PCDHA10: variants seen among roughly 807,000 people sequenced by gnomAD.
PCDHA10 encodes the protein protocadherin alpha 10.
PCDHA10 carries 45 observed loss-of-function variants against 61.2 expected under a neutral mutation model. The observed-to-expected ratio is 0.74, with a 90% CI of 0.58 to 0.94. The LOEUF (loss-of-function observed/expected upper bound fraction) is 0.94. Among genes scored for constraint, PCDHA10 ranks in the 40% least tolerant of loss-of-function variants. The pLI, the probability that PCDHA10 is intolerant of heterozygous loss-of-function variation, is 0.00. For missense variants in PCDHA10, 1,278 were observed against 1,236.2 expected (o/e 1.03, Z -0.51); for synonymous variants, 602 against 548.8 (o/e 1.10, Z -1.35).
intron 1 of PCDHA10, among the ~76,000 whole-genome samples, chr5:140,944,993 G>A (rs529303280): frequency 6.6e-5 from 10 of 152,054 alleles, no homozygotes; most frequent in African/African-American, 2.2e-4. Context: ...CTTCTGTAAC[G>A]GTTGTGGGTC....
intron 1 of PCDHA10, chr5:140,929,115 C>T: frequency 6.2e-7 from 1 of 1,614,136 alleles, no homozygotes. Context: ...CATCAGCCAC[C>T]ATAGATGTCA....
chr5:140,952,334 A>G (rs1585456390), intron 1 of PCDHA10, among the ~76,000 whole-genome samples: 1 of 103,312 alleles, frequency 9.7e-6, no homozygotes, highest in East Asian at 2.9e-4. Context: ...GTGAAACTCC[A>G]TCTCAAAAAA....
At chr5:140,876,204 G>A (rs1582266262) in intron 1 of PCDHA10, 1 of 1,613,934 alleles carries the variant, frequency 6.2e-7, no homozygotes, top group Non-Finnish European at 8.5e-7. Flanking sequence ...CGTTTGATAA[G>A]CCCAGCTATA....
At chr5:140,977,591 A>T (rs1267599253) in intron 1 of PCDHA10, among the ~76,000 whole-genome samples, 2 of 152,164 alleles carry the variant, frequency 1.3e-5, no homozygotes, top group African/African-American at 4.8e-5. Context: ...AGCAGTTAGC[A>T]TGTGAGGACC....
At chr5:140,870,122 T>G in intron 1 of PCDHA10, 1 of 1,613,956 alleles carries the variant, frequency 6.2e-7, no homozygotes. Flanking sequence ...GTGGAAATCT[T>G]GGACACCAAC....
chr5:140,934,490 C>T (rs189772593), intron 1 of PCDHA10, among the ~76,000 whole-genome samples: 35 of 152,244 alleles, frequency 2.3e-4, no homozygotes, highest in Admixed American at 1.4e-3. Context: ...ATATTCACCT[C>T]ATAAACACCC....
intron 1 of PCDHA10, among the ~76,000 whole-genome samples, chr5:140,956,217 T>C (rs1554222303): frequency 1.1e-4 from 17 of 152,208 alleles, no homozygotes. Flanking sequence ...GGCATCCTTG[T>C]CTTGTGCTGG....
rs782577621 is a variant in PCDHA10 at position 140,857,662 on chromosome 5, T to A, written c.1614T>A (p.Asp538Glu). Residue 538 changes from aspartate (D) to glutamate (E), a missense_variant, in exon 1 of 4, where the codon GAT becomes GAA. Coordinates refer to ENST00000307360, the MANE Select transcript of PCDHA10 (RefSeq NM_018901.4). ...TACAGTTCCAGGTGAGCGCGCGCGA[T>A]GGGGGCGTGCCGCCTCTGGGCAGCA... ...ELLQFQVSAR[D>E]GGVPPLGSNL... The A allele has an allele frequency of 1.3e-6, 2 of 1,596,528 alleles. No homozygotes were observed. The highest frequency in any genetic ancestry group is 1.7e-6 in the Non-Finnish European group (2 of 1,167,676).
At chr5:140,883,341 C>G in intron 1 of PCDHA10, 1 of 1,614,144 alleles carries the variant, frequency 6.2e-7, no homozygotes, top group Non-Finnish European at 8.5e-7. Context: ...TTGTCACTCC[C>G]CATCAGAGAA....
intron 1 of PCDHA10, among the ~76,000 whole-genome samples, chr5:140,961,208 A>T (rs1268712075): frequency 1.3e-5 from 2 of 152,164 alleles, no homozygotes; most frequent in African/African-American, 4.8e-5. Flanking sequence ...GTTGGTATTG[A>T]TGAAGAAACT....
Position 140,857,904 on chromosome 5 carries a change from T to C in PCDHA10, c.1856T>C (p.Ile619Thr). The change falls in exon 1 of 4, where the codon ATC becomes ACC. Residue 619 changes from isoleucine to threonine, a missense_variant. Coordinates refer to ENST00000307360, the MANE Select transcript of PCDHA10 (RefSeq NM_018901.4). ...CAGTCGGCGGCGGTTGGTGCACGCATCCCGTTTCGCGTGGGGCTGTACACG... is the reference window on the plus strand; with the variant it reads ...CAGTCGGCGGCGGTTGGTGCACGCACCCCGTTTCGCGTGGGGCTGTACACG... Reference protein sequence around the residue: ...ELQSAAVGARIPFRVGLYTGE... With the variant: ...ELQSAAVGARTPFRVGLYTGE... The C allele has an allele frequency of 1.3e-6, 2 of 1,597,710 alleles. No homozygotes were observed. The highest frequency in any genetic ancestry group is 1.1e-5 in the South Asian group (1 of 90,506).
chr5:140,873,153 C>T (rs2054129567), intron 1 of PCDHA10, among the ~76,000 whole-genome samples: 1 of 152,224 alleles, frequency 6.6e-6, no homozygotes, highest in East Asian at 1.9e-4. Flanking sequence ...TATTCATAGA[C>T]TTTAGATCGA....
At chr5:140,885,482 G>A (rs1174553739) in intron 1 of PCDHA10, among the ~76,000 whole-genome samples, 1 of 152,150 alleles carries the variant, frequency 6.6e-6, no homozygotes, top group Non-Finnish European at 1.5e-5. Context: ...TTTGTGTCAA[G>A]TGTTCTGTTA....
At chr5:140,863,571 TA>T in intron 1 of PCDHA10, 1 of 369,950 alleles carries the variant, frequency 2.7e-6, no homozygotes, top group South Asian at 2.1e-5. Context: ...AGAATATAAG[TA>T]CTGTAATCCT....
At chr5:140,962,171 G>A (rs1218733161) in intron 1 of PCDHA10, among the ~76,000 whole-genome samples, 3 of 151,902 alleles carry the variant, frequency 2.0e-5, no homozygotes, top group Non-Finnish European at 4.4e-5. Context: ...CACCACACCC[G>A]GCCACTTATA....
At chr5:140,871,376 G>GCT (rs782235924) in intron 1 of PCDHA10, 26 of 1,614,078 alleles carry the variant, frequency 1.6e-5, no homozygotes, top group South Asian at 1.4e-4. Flanking sequence ...CAGAGGGTGT[G>GCT]CTCTGAGGAG....
intron 1 of PCDHA10, chr5:140,967,124 A>G (rs782387198): frequency 1.2e-6 from 2 of 1,612,200 alleles, no homozygotes; most frequent in South Asian, 2.2e-5. Context: ...CTGCCTGCTC[A>G]GCTTGGAAGT....
chr5:140,876,063 G>T (rs1404065760), intron 1 of PCDHA10: 1 of 1,613,860 alleles, frequency 6.2e-7, no homozygotes, highest in East Asian at 2.2e-5. Flanking sequence ...TAGTTCTTCG[G>T]AAGTTATTGG....
At chr5:140,967,849 T>C in intron 1 of PCDHA10, 1 of 1,614,116 alleles carries the variant, frequency 6.2e-7, no homozygotes, top group Non-Finnish European at 8.5e-7. Flanking sequence ...TGAATGACAA[T>C]GCCCCAGAGG....
Sources: allele counts gnomAD v4.1 joint callset (sites outside exome capture counted in the v4.1 genomes callset), GRCh38; gene constraint gnomAD v4.1.1; transcripts MANE v1.5; gene names NCBI Gene and HGNC (gene_info 2026-07-23, HGNC 2026-07-21).